ZNF337: variants seen among roughly 807,000 people sequenced by gnomAD.
ZNF337 encodes the protein zinc finger protein 337.
ZNF337 carries 8 observed loss-of-function variants against 12.1 expected under a neutral mutation model. The observed-to-expected ratio is 0.66, with a 90% CI of 0.39 to 1.19. The LOEUF is 1.19. Among genes scored for constraint, ZNF337 ranks in the 50% most tolerant of loss-of-function variants. The pLI is 0.01. For missense variants in ZNF337, 882 were observed against 896.6 expected (o/e 0.98, Z 0.21); for synonymous variants, 336 against 320.0 (o/e 1.05, Z -0.53).
intron 4 of ZNF337, among the ~76,000 whole-genome samples, chr20:25,683,402 T>C (rs1434374606): frequency 6.6e-6 from 1 of 151,734 alleles, no homozygotes; most frequent in Admixed American, 6.6e-5. Context: ...CTGGCAACAG[T>C]AGTACTGCTT....
intron 1 of ZNF337, among the ~76,000 whole-genome samples, chr20:25,696,328 C>A (rs905995479): frequency 6.6e-6 from 1 of 152,132 alleles, no homozygotes; most frequent in Non-Finnish European, 1.5e-5. Context: ...ATGGCTGTAA[C>A]CCCCACCCCA....
Position 25,675,387 on chromosome 20 carries a change from CCA to C in ZNF337, c.1899_1900del (p.Cys633TrpfsTer26). 6.2e-7 allele frequency: 1 copy of C among 1,614,042 alleles called. No individual in the cohort carries two copies. The highest frequency in any genetic ancestry group is 8.5e-7 in the Non-Finnish European group (1 of 1,179,998). On this transcript the variant is annotated frameshift_variant, in exon 5 of 5. Transcript: ENST00000252979. LOFTEE classifies it low-confidence loss of function (END_TRUNC). Reference sequence around the variant, plus strand: ...ATTTCCCTTCCAGTTGAAGCCTCGCCCACACTCCTTGCATACAAAAGGCTGCT... The same window carrying C: ...ATTTCCCTTCCAGTTGAAGCCTCGCCCACTCCTTGCATACAAAAGGCTGCT...
chr20:25,675,958 TC>T lies in ZNF337; in HGVS notation c.1329del (p.Lys444SerfsTer5). ...ATCTGATGTTTCACAAGGGTTGACTTCTGAATAAATCCTTGCCCACATTCTC... is the reference window on the plus strand; with the variant it reads ...ATCTGATGTTTCACAAGGGTTGACTTTGAATAAATCCTTGCCCACATTCTC... ...VCRECGQGFIQKSTLVKHQIT... is the reference protein window; with the variant it reads ...VCRECGQGFIXKSTLVKHQIT... On this transcript the variant is annotated frameshift_variant, in exon 5 of 5. Transcript: ENST00000252979. LOFTEE classifies it low-confidence loss of function (END_TRUNC). 6.2e-7 allele frequency: 1 copy of T among 1,613,560 alleles called. No individual in the cohort carries two copies. The highest frequency in any genetic ancestry group is 1.1e-5 in the South Asian group (1 of 91,060).
At position 25,685,603 on chromosome 20, in the gene ZNF337, C is replaced by T. The variant is rs776827969; in HGVS notation, c.214G>A (p.Gly72Arg). 1 of 1,614,106 alleles carries T rather than the reference C, an allele frequency of 6.2e-7. No homozygotes were observed. Among genetic ancestry groups the T allele is most frequent in the African/African-American group, 1.3e-5 (1 of 74,946 alleles). The change falls in exon 4 of 5, where the codon GGA becomes AGA. Residue 72 changes from glycine to arginine, a missense_variant. Transcript: ENST00000252979. ...CCTGGCCGGCGTCTTCTCTCTTCTC[C>T]CCAGGGCACTTCCCCTTGCTCTAGC... The part of the protein sequence containing the change: ...RRLEQGEVPW[G>R]EERRRRPGPC...
At chr20:25,681,736 T>C (rs1309191639) in intron 4 of ZNF337, among the ~76,000 whole-genome samples, 1 of 152,218 alleles carries the variant, frequency 6.6e-6, no homozygotes, top group East Asian at 1.9e-4. Context: ...CACAAAGTTA[T>C]GCATATGTCA....
rs180927578 is a variant in ZNF337, at chr20:25,688,093, T to C, written c.-49-1627A>G. On this transcript the variant is annotated intron_variant, in intron 1 of 4. Transcript: ENST00000252979. ...ATTTTTGTTATTTCTTTCTATATAC[T>C]TACATAAATAGTTTACCTTTCATGT... 6.5e-3 allele frequency among the ~76,000 whole-genome samples: 995 copies of C among 152,382 alleles called. 7 individuals carry two copies. The highest frequency in any genetic ancestry group is 0.012 in the Non-Finnish European group (785 of 68,032).
intron 3 of ZNF337, 134 bp from the exon 4 acceptor site, chr20:25,685,796 C>G: frequency 8.7e-7 from 1 of 1,149,388 alleles, no homozygotes; most frequent in Non-Finnish European, 1.3e-6. Flanking sequence ...CTACCATGCT[C>G]AGAGTACAAA....
intron 4 of ZNF337, among the ~76,000 whole-genome samples, chr20:25,684,361 CAAAT>C (rs2065802338): frequency 1.3e-5 from 2 of 151,352 alleles, no homozygotes; most frequent in African/African-American, 2.4e-5. Context: ...AATAATAATA[CAAAT>C]AAATAAAAAA....
At chr20:25,688,956 C>T (rs968987784) in intron 1 of ZNF337, among the ~76,000 whole-genome samples, 3 of 151,958 alleles carry the variant, frequency 2.0e-5, no homozygotes, top group Non-Finnish European at 2.9e-5. Flanking sequence ...CCGTGAAACC[C>T]GTCTCTACTG....
chr20:25,680,444 A>G (rs1375462359), intron 4 of ZNF337, among the ~76,000 whole-genome samples: 3 of 152,188 alleles, frequency 2.0e-5, no homozygotes, highest in Admixed American at 6.5e-5. Context: ...AGGCATCTAC[A>G]AAGGGGAGAT....
In ZNF337 at chr20:25,674,911, T is replaced by C; in HGVS notation, c.*121A>G. ...GTTGAATTCAGGTTCTCTGTAGCCC[T>C]CTGGATTCTGTCTGCCTCTGTTATA... On this transcript the variant is annotated 3_prime_UTR_variant, in exon 5 of 5. Transcript: ENST00000252979. 1 of 883,930 alleles carries C rather than the reference T, an allele frequency of 1.1e-6. No individual in the cohort carries two copies. The highest frequency in any genetic ancestry group is 1.7e-6 in the Non-Finnish European group (1 of 582,462). 54.8% of individuals were successfully genotyped at this position (883,930 alleles called of 1,614,324 possible).
At chr20:25,680,831 C>G (rs117307700) in intron 4 of ZNF337, 1 of 152,226 alleles carries the variant, frequency 6.6e-6, no homozygotes. Flanking sequence ...CCAGTAACCT[C>G]ACTTATGAGT....
chr20:25,676,579 CAT>C lies in ZNF337; in HGVS notation c.707_708del (p.Tyr236CysfsTer40), dbSNP rs1569006859. On this transcript the variant is annotated frameshift_variant, in exon 5 of 5. Transcript: ENST00000252979. LOFTEE classifies it low-confidence loss of function (END_TRUNC). ...AAGCCTCGCCCACACACACTGCACA[CAT>C]AGGACTTCTCTCCTGTGTGTGTGTT... is the stretch of plus-strand genomic sequence containing the variant. ...HQNTHTGEKS[Y>X]VCSVCGRGFS... is the part of the protein sequence containing the mutation. The C allele has an allele frequency of 1.9e-6, 3 of 1,614,186 alleles. No individual in the cohort carries two copies. The highest frequency in any genetic ancestry group is 1.7e-5 in the Admixed American group (1 of 60,024).
rs184389666 is a variant in ZNF337 at position 25,682,484 on chromosome 20, G to T, written c.250+3083C>A. 5.3e-3 allele frequency among the ~76,000 whole-genome samples: 799 copies of T among 152,098 alleles called. 4 individuals are homozygous for T. Among genetic ancestry groups the T allele is most frequent in the Non-Finnish European group, 6.9e-3 (467 of 67,988 alleles). On this transcript the variant is annotated intron_variant, in intron 4 of 4. Transcript: ENST00000252979. ...TTTCAAGTATTGGATAGTTCAAACT[G>T]CCCTCCCAAAAAAAACTATAAAGCC... is the stretch of plus-strand genomic sequence containing the variant.
rs2065710157 is a variant in ZNF337, at chr20:25,677,196, C to G, written c.251-159G>C. The G allele has an allele frequency of 7.5e-6, 5 of 668,990 alleles. No individual in the cohort carries two copies. In the South Asian group the frequency reaches 8.9e-5, roughly 12 times the overall value. The allele number at this position is 668,990 out of a possible 1,614,324, so 41.4% of individuals were successfully genotyped here. On this transcript the variant is annotated intron_variant, in intron 4 of 4. Transcript: ENST00000252979. ...ACTATTCCAAAAAATTGAAGCAGGG[C>G]AGGGAGGAATTCTTCCTAACTCATT...
rs372887514 is a variant in ZNF337 at position 25,685,992 on chromosome 20, T to C, written c.154+4A>G. 6.2e-7 allele frequency: 1 copy of C among 1,606,966 alleles called. No individual in the cohort carries two copies. The highest frequency in any genetic ancestry group is 1.1e-5 in the South Asian group (1 of 90,050). On this transcript the variant is annotated splice_donor_region_variant and intron_variant, in intron 3 of 4. Transcript: ENST00000252979. ...ATGTTAGGCTCGAGGGAAGCCACGC[T>C]TACCTAGTGAGACCAGGTGGCTGTA...
chr20:25,689,363 C>T (rs1045228128), intron 1 of ZNF337, among the ~76,000 whole-genome samples: 11 of 152,274 alleles, frequency 7.2e-5, no homozygotes, highest in African/African-American at 9.6e-5. Context: ...ACTCTATCCT[C>T]GGTTTTTTGG....
intron 2 of ZNF337, 118 bp downstream of exon 2, chr20:25,686,272 GA>G (rs1046592168): frequency 1.4e-6 from 2 of 1,471,572 alleles, no homozygotes; most frequent in Non-Finnish European, 1.9e-6. Context: ...AGGAAAGACA[GA>G]TCACTCCCCA....
chr20:25,689,134 CAAAAAAAA>C (rs35337654), intron 1 of ZNF337, among the ~76,000 whole-genome samples: 1 of 66,982 alleles, frequency 1.5e-5, no homozygotes, highest in Non-Finnish European at 2.9e-5. Context: ...GACTCCGTCA[CAAAAAAAA>C]AAAAAAAAAA....
Sources: gnomAD v4.1 joint callset for allele counts (sites outside exome capture counted in the v4.1 genomes callset) on GRCh38, gnomAD v4.1.1 for gene constraint, MANE v1.5 for transcripts, NCBI Gene and HGNC (gene_info 2026-07-23, HGNC 2026-07-21) for gene names.